The following GATAD2A variants were observed in gnomAD, a reference collection of about 807,000 sequenced individuals.
GATAD2A encodes the protein GATA zinc finger domain containing 2A, also known as transcriptional repressor p66-alpha.
Under a neutral mutation model 68.5 loss-of-function variants are expected in GATAD2A, and 12 were observed. The observed-to-expected ratio is 0.18, with a 90% CI of 0.11 to 0.28. The LOEUF is 0.28. Among genes scored for constraint, GATAD2A ranks in the 10% least tolerant of loss-of-function variants. GATAD2A has a pLI of 1.00. For missense variants in GATAD2A, 755 were observed against 868.5 expected (o/e 0.87, Z 1.64); for synonymous variants, 410 against 375.3 (o/e 1.09, Z -1.07).
intron 1 of GATAD2A, among the ~76,000 whole-genome samples, chr19:19,430,665 C>T (rs2053618825): frequency 6.6e-6 from 1 of 152,098 alleles, no homozygotes; most frequent in Non-Finnish European, 1.5e-5. Flanking sequence ...CTGGTAGAGC[C>T]CATGCTTCCG....
At chr19:19,494,247 G>A in intron 4 of GATAD2A, 47 bp from the exon 5 acceptor site, 1 of 1,091,398 alleles carries the variant, frequency 9.2e-7, no homozygotes, top group Non-Finnish European at 1.4e-6. Context: ...TGAGGAGAGG[G>A]ACCGGCCCGG....
intron 1 of GATAD2A, among the ~76,000 whole-genome samples, chr19:19,417,751 A>G (rs1180081159): frequency 6.6e-6 from 1 of 152,178 alleles, no homozygotes; most frequent in Non-Finnish European, 1.5e-5. Context: ...ATGAGCTAAT[A>G]TGGCCTTGGA....
chr19:19,405,614 T>C (rs2050125827), upstream of GATAD2A, among the ~76,000 whole-genome samples: 1 of 151,634 alleles, frequency 6.6e-6, no homozygotes, highest in Admixed American at 6.6e-5. Context: ...GCCCGCCTTC[T>C]ACGCCTGGAA....
At chr19:19,451,476 C>CA (rs2056386952) in intron 1 of GATAD2A, among the ~76,000 whole-genome samples, 1 of 152,204 alleles carries the variant, frequency 6.6e-6, no homozygotes, top group South Asian at 2.1e-4. Flanking sequence ...GTCAACAAAT[C>CA]AGTTATTGTG....
At chr19:19,449,156 C>T (rs1019643235) in intron 1 of GATAD2A, among the ~76,000 whole-genome samples, 2 of 152,180 alleles carry the variant, frequency 1.3e-5, no homozygotes, top group African/African-American at 4.8e-5. Context: ...ACCTGTCTGT[C>T]CCAGGCTGGC....
chr19:19,446,071 C>G (rs2055679102), intron 1 of GATAD2A, among the ~76,000 whole-genome samples: 2 of 152,276 alleles, frequency 1.3e-5, no homozygotes, highest in Middle Eastern at 3.4e-3. Context: ...GTTTTACTTT[C>G]CACTGTTTTC....
At chr19:19,436,927 A>G (rs1192192417) in intron 1 of GATAD2A, among the ~76,000 whole-genome samples, 1 of 152,212 alleles carries the variant, frequency 6.6e-6, no homozygotes, top group Non-Finnish European at 1.5e-5. Flanking sequence ...TTCATGCCCC[A>G]TCGAACAGGA....
intron 11 of GATAD2A, among the ~76,000 whole-genome samples, chr19:19,504,815 A>G (rs1241594240): frequency 6.6e-6 from 1 of 151,266 alleles, no homozygotes; most frequent in African/African-American, 2.4e-5. Flanking sequence ...TGTCCAGCTG[A>G]TATTTTTTTT....
chr19:19,449,723 G>A (rs2056164995), intron 1 of GATAD2A, among the ~76,000 whole-genome samples: 1 of 152,160 alleles, frequency 6.6e-6, no homozygotes, highest in Admixed American at 6.5e-5. Flanking sequence ...TTCAGCCCAG[G>A]AGGTCGAAGC....
chr19:19,412,798 C>A (rs908516524), intron 1 of GATAD2A, among the ~76,000 whole-genome samples: 10 of 152,186 alleles, frequency 6.6e-5, no homozygotes, highest in African/African-American at 2.4e-4. Flanking sequence ...CACATTCTTA[C>A]CTTAGAGACG....
chr19:19,437,754 CT>C (rs796614438), intron 1 of GATAD2A, among the ~76,000 whole-genome samples: 6 of 152,346 alleles, frequency 3.9e-5, no homozygotes, highest in African/African-American at 1.4e-4. Flanking sequence ...ATCAGTGCTT[CT>C]TTCCTTTTTA....
chr19:19,415,561 T>A (rs1418940248), intron 1 of GATAD2A, among the ~76,000 whole-genome samples: 3 of 151,450 alleles, frequency 2.0e-5, no homozygotes, highest in Non-Finnish European at 4.4e-5. Context: ...GCGATTCTCC[T>A]GCCCCAGCCT....
rs1041814757 is a variant in GATAD2A, at chr19:19,508,328, T to TA, written c.*2855dup. 5.3e-5 allele frequency: 8 copies of TA among 152,326 alleles called. No individual in the cohort carries two copies. The highest frequency in any genetic ancestry group is 1.9e-4 in the African/African-American group (8 of 41,454). The allele number at this position is 152,326 out of a possible 1,614,324, so 9.4% of individuals were successfully genotyped here. A position where few individuals can be genotyped will look rare whatever the true frequency, so the allele number is the denominator to read the frequency against. The stretch of plus-strand genomic sequence containing the variant: ...CGTCCTGACCTCATCCCAGGAACTC[T>TA]ACGGTGACCAGGAACCACCCCTCTG... On this transcript the variant is annotated 3_prime_UTR_variant, in exon 12 of 12. Transcript: ENST00000683918.
rs150660651 is a variant in GATAD2A, at chr19:19,431,310, A to G, written c.-7+25291A>G. Among the ~76,000 whole-genome samples the G allele has an allele frequency of 1.1e-3, 173 of 150,618 alleles. 1 individual carries two copies. Among genetic ancestry groups the G allele is most frequent in the Non-Finnish European group, 1.9e-3 (126 of 67,794 alleles). ...TGGTTTCCTCCTCTGTGAATCTTGC[A>G]CTGATTGTATTGCAGGGCTCCTGCA... On this transcript the variant is annotated intron_variant, in intron 1 of 11. Coordinates refer to ENST00000683918, the MANE Select transcript of GATAD2A (RefSeq NM_001384528.1).
At chr19:19,461,298 A>G (rs1353495075) in intron 1 of GATAD2A, among the ~76,000 whole-genome samples, 2 of 152,094 alleles carry the variant, frequency 1.3e-5, no homozygotes, top group Non-Finnish European at 2.9e-5. Context: ...TAGTATTAGC[A>G]TTGTGATCTC....
intron 2 of GATAD2A, among the ~76,000 whole-genome samples, chr19:19,466,343 G>C (rs1412808942): frequency 1.3e-5 from 2 of 152,204 alleles, no homozygotes; most frequent in African/African-American, 4.8e-5. Flanking sequence ...GAGCTCTCCA[G>C]AATGTTCATG....
At chr19:19,495,115 C>T (rs1352445793) in intron 5 of GATAD2A, among the ~76,000 whole-genome samples, 1 of 151,960 alleles carries the variant, frequency 6.6e-6, no homozygotes, top group Non-Finnish European at 1.5e-5. Flanking sequence ...CCTGCCTCAG[C>T]CTCCCAAGTA....
At chr19:19,426,352 T>C (rs2053092263) in intron 1 of GATAD2A, among the ~76,000 whole-genome samples, 1 of 152,128 alleles carries the variant, frequency 6.6e-6, no homozygotes, top group East Asian at 1.9e-4. Flanking sequence ...CAACAAGCAT[T>C]CCTTGGCTTA....
intron 2 of GATAD2A, among the ~76,000 whole-genome samples, chr19:19,479,222 CTT>C (rs918270441): frequency 6.6e-5 from 10 of 152,168 alleles, no homozygotes; most frequent in African/African-American, 9.7e-5. Flanking sequence ...CCGTGGGACT[CTT>C]TTACACTTTG....
Sources: gnomAD v4.1 joint callset for allele counts (sites outside exome capture counted in the v4.1 genomes callset) on GRCh38, gnomAD v4.1.1 for gene constraint, MANE v1.5 for transcripts, NCBI Gene and HGNC (gene_info 2026-07-23, HGNC 2026-07-21) for gene names.